The following NOXRED1 variants were observed in gnomAD, a reference collection of about 807,000 sequenced individuals.
NOXRED1 encodes the protein NADP-dependent oxidoreductase domain-containing protein 1.
NOXRED1 carries 20 observed loss-of-function variants against 30.4 expected under a neutral mutation model. The ratio of observed to expected loss-of-function variants is 0.66; its 90% CI spans 0.46 to 0.96. The LOEUF is 0.96. Among genes scored for constraint, NOXRED1 ranks in the 40% least tolerant of loss-of-function variants. The pLI, the probability that NOXRED1 is intolerant of heterozygous loss-of-function variation, is 0.00. For synonymous variants in NOXRED1, 155 were observed against 168.0 expected (o/e 0.92, Z 0.60); for missense variants, 374 against 428.0 (o/e 0.87, Z 1.11).
intron 1 of NOXRED1, among the ~76,000 whole-genome samples, chr14:77,420,770 G>T (rs1457702609): frequency 1.3e-5 from 2 of 152,134 alleles, no homozygotes; most frequent in Non-Finnish European, 2.9e-5. Flanking sequence ...AATCTTTACA[G>T]ACTGGCACCA....
intron 5 of NOXRED1, among the ~76,000 whole-genome samples, chr14:77,403,336 A>G (rs1216656093): frequency 2.0e-5 from 3 of 152,224 alleles, no homozygotes; most frequent in Non-Finnish European, 4.4e-5. Context: ...AAAAAATAGT[A>G]TAACGAAACT....
At chr14:77,395,964 C>T (rs1173384426) in intron 5 of NOXRED1, among the ~76,000 whole-genome samples, 1 of 151,930 alleles carries the variant, frequency 6.6e-6, no homozygotes, top group Non-Finnish European at 1.5e-5. Context: ...CACCTGTAGT[C>T]CCAGCTACTC....
intron 2 of NOXRED1, 103 bp downstream of exon 2, chr14:77,413,831 C>T (rs927794592): frequency 1.1e-5 from 8 of 711,274 alleles, no homozygotes; most frequent in African/African-American, 3.6e-5. Context: ...GAACTCCACA[C>T]GCTGTATGCA....
At position 77,407,526 on chromosome 14, in the gene NOXRED1, A is replaced by C; in HGVS notation, c.469T>G (p.Tyr157Asp). ...ATGCTGGCCTTCTCAAGGCTGGTGT[A>C]AATTTCTACGCAGATATTAGGCAGC... ...SQLPNICVEI[Y>D]TSLEKASIVY... The change falls in exon 3 of 6, where the codon TAC becomes GAC. Residue 157 changes from tyrosine (Y) to aspartate (D), a missense_variant. Transcript: ENST00000380835. 1 of 1,614,112 alleles carries C rather than the reference A, an allele frequency of 6.2e-7. No individual in the cohort carries two copies. The highest frequency in any genetic ancestry group is 2.2e-5 in the East Asian group (1 of 44,890).
At position 77,406,624 on chromosome 14, in the gene NOXRED1, CACACACACACAGAG is replaced by C. The variant is rs758848721; in HGVS notation, c.682+86_682+99del. 4.1e-3 allele frequency: 2,128 copies of C among 522,784 alleles called. 13 individuals are homozygous for C. The highest frequency in any genetic ancestry group is 0.026 in the African/African-American group (1,097 of 42,086). The allele number at this position is 522,784 out of a possible 1,614,324, so 32.4% of individuals were successfully genotyped here. ...ACACACACACACACACACACACACACACACACACACAGAGAGAGAGAGATTGATTTAATAAGATA... is the reference window on the plus strand; with the variant it reads ...ACACACACACACACACACACACACACAGAGAGAGATTGATTTAATAAGATA... On this transcript the variant is annotated intron_variant, in intron 4 of 5. Coordinates refer to ENST00000380835, the MANE Select transcript of NOXRED1 (RefSeq NM_001113475.3).
chr14:77,397,464 C>G (rs1894217905), intron 5 of NOXRED1, among the ~76,000 whole-genome samples: 1 of 152,160 alleles, frequency 6.6e-6, no homozygotes, highest in Non-Finnish European at 1.5e-5. Flanking sequence ...AGTATCCTGG[C>G]TGTGATATTG....
intron 2 of NOXRED1, among the ~76,000 whole-genome samples, chr14:77,408,181 T>C (rs1404756580): frequency 2.0e-5 from 3 of 152,112 alleles, no homozygotes; most frequent in African/African-American, 7.2e-5. Context: ...AATTCACCTT[T>C]ATCTTACTTT....
intron 5 of NOXRED1, among the ~76,000 whole-genome samples, chr14:77,405,137 G>C (rs942153237): frequency 1.3e-5 from 2 of 152,210 alleles, no homozygotes; most frequent in Admixed American, 1.3e-4. Context: ...GCTCACACCT[G>C]TAATCCCAGC....
chr14:77,396,095 C>T (rs990217414), intron 5 of NOXRED1, among the ~76,000 whole-genome samples: 2 of 151,910 alleles, frequency 1.3e-5, no homozygotes, highest in Non-Finnish European at 2.9e-5. Flanking sequence ...GATACCTGCT[C>T]TCACCAGTCT....
In NOXRED1 at chr14:77,409,720, T is replaced by C. The variant is rs567969217; in HGVS notation, c.350-2075A>G. ...TTTTACAACTATAATTTTATTCTAATAAATATATTGCTTTGCAAAGAATAT... is the reference window on the plus strand; with the variant it reads ...TTTTACAACTATAATTTTATTCTAACAAATATATTGCTTTGCAAAGAATAT... On this transcript the variant is annotated intron_variant, in intron 2 of 5. Transcript: ENST00000380835. 3.9e-5 allele frequency among the ~76,000 whole-genome samples: 6 copies of C among 152,260 alleles called. No homozygotes were observed. In the Middle Eastern group the frequency reaches 0.017, roughly 432 times the overall value.
At chr14:77,419,044 G>T (rs1894910836) in intron 1 of NOXRED1, among the ~76,000 whole-genome samples, 1 of 147,802 alleles carries the variant, frequency 6.8e-6, no homozygotes, top group Non-Finnish European at 1.5e-5. Context: ...TTTTGTTGTT[G>T]TTTATCTGGG....
intron 1 of NOXRED1, among the ~76,000 whole-genome samples, chr14:77,417,672 G>C (rs1234139387): frequency 6.6e-6 from 1 of 152,216 alleles, no homozygotes; most frequent in African/African-American, 2.4e-5. Flanking sequence ...AACATCTAAA[G>C]TGAGTCTCTT....
chr14:77,407,430 G>A (rs768605301), intron 3 of NOXRED1, 35 bp downstream of exon 3: 9 of 1,505,822 alleles, frequency 6.0e-6, no homozygotes, highest in Middle Eastern at 2.0e-4. Flanking sequence ...AGACAGAGCA[G>A]TTGTGCCAGT....
intron 1 of NOXRED1, among the ~76,000 whole-genome samples, chr14:77,419,239 A>AT (rs1894918970): frequency 1.3e-5 from 2 of 148,574 alleles, no homozygotes; most frequent in South Asian, 4.3e-4. Flanking sequence ...TGCCCAGCTA[A>AT]TTTTTGTATT....
chr14:77,402,009 C>T (rs1431605815), intron 5 of NOXRED1, among the ~76,000 whole-genome samples: 1 of 152,186 alleles, frequency 6.6e-6, no homozygotes, highest in East Asian at 1.9e-4. Context: ...AATCTAGACA[C>T]AAACCTTACA....
chr14:77,407,510 T>C lies in NOXRED1; in HGVS notation c.485A>G (p.Lys162Arg). ...ICVEIYTSLEKASIVYSFVAA... is the reference protein window; with the variant it reads ...ICVEIYTSLERASIVYSFVAA... ...TACAAAGCTGTACACAATGCTGGCC[T>C]TCTCAAGGCTGGTGTAAATTTCTAC... The change falls in exon 3 of 6, where the codon AAG (lysine) becomes AGG (arginine). Residue 162 changes from lysine (K) to arginine (R), a missense_variant. Physicochemically the swap from Lys to Arg is conservative, Grantham distance 26 (BLOSUM62 2). Coordinates refer to ENST00000380835, the MANE Select transcript of NOXRED1 (RefSeq NM_001113475.3). 6.2e-7 allele frequency: 1 copy of C among 1,614,120 alleles called. No homozygotes were observed. The highest frequency in any genetic ancestry group is 1.3e-5 in the African/African-American group (1 of 75,048).
chr14:77,419,594 G>A lies in NOXRED1; in HGVS notation c.155+3141C>T, dbSNP rs182323903. Among the ~76,000 whole-genome samples the A allele has an allele frequency of 8.8e-3, 1,338 of 151,432 alleles. 19 individuals carry two copies. The highest frequency in any genetic ancestry group is 0.037 in the South Asian group (177 of 4,778). On this transcript the variant is annotated intron_variant, in intron 1 of 5. Coordinates refer to ENST00000380835, the MANE Select transcript of NOXRED1 (RefSeq NM_001113475.3). ...CTCCCAAGTAGCTGGGACTATAGGC[G>A]CCCGCCACCACGCCCGGCTAATTTT... is the stretch of plus-strand genomic sequence containing the variant.
At chr14:77,419,606 G>A (rs1383714684) in intron 1 of NOXRED1, among the ~76,000 whole-genome samples, 6 of 151,368 alleles carry the variant, frequency 4.0e-5, no homozygotes, top group East Asian at 3.9e-4. Flanking sequence ...CCGCCACCAC[G>A]CCCGGCTAAT....
In NOXRED1 at chr14:77,414,144, C is replaced by G; in HGVS notation, c.156-17G>C. The stretch of plus-strand genomic sequence containing the variant: ...AATGATGCTCTGGAGAATGAACACA[C>G]AGACACGTACATAAATACATGCACA... On this transcript the variant is annotated splice_polypyrimidine_tract_variant and intron_variant, in intron 1 of 5. Transcript: ENST00000380835. 2 of 1,496,068 alleles carry G rather than the reference C, an allele frequency of 1.3e-6. No homozygotes were observed. Among genetic ancestry groups the G allele is most frequent in the Non-Finnish European group, 1.8e-6 (2 of 1,090,514 alleles). The allele number at this position is 1,496,068 out of a possible 1,614,324, so 92.7% of individuals were successfully genotyped here.
Sources: gnomAD v4.1 joint callset for allele counts (sites outside exome capture counted in the v4.1 genomes callset) on GRCh38, gnomAD v4.1.1 for gene constraint, MANE v1.5 for transcripts, NCBI Gene and HGNC (gene_info 2026-07-23, HGNC 2026-07-21) for gene names.